The following FYN variants were observed in gnomAD, a reference collection of about 807,000 sequenced individuals.
FYN encodes tyrosine-protein kinase Fyn.
Under a neutral mutation model 70.2 loss-of-function variants are expected in FYN, and 10 were observed. That is an observed-to-expected ratio of 0.14 (90% confidence interval 0.09 to 0.24). The LOEUF (loss-of-function observed/expected upper bound fraction) is 0.24. Among genes scored for constraint, FYN ranks in the 10% least tolerant of loss-of-function variants. The pLI is 1.00. For synonymous variants in FYN, 236 were observed against 248.6 expected (o/e 0.95, Z 0.48); for missense variants, 319 against 673.1 (o/e 0.47, Z 5.82).
At chr6:111,871,653 AC>A (rs1323060012) in intron 1 of FYN, among the ~76,000 whole-genome samples, 1 of 152,206 alleles carries the variant, frequency 6.6e-6, no homozygotes, top group African/African-American at 2.4e-5. Flanking sequence ...TTATCAAATA[AC>A]AATTTAATTC....
intron 12 of FYN, among the ~76,000 whole-genome samples, chr6:111,693,982 C>T (rs1222565531): frequency 6.6e-6 from 1 of 152,122 alleles, no homozygotes; most frequent in Non-Finnish European, 1.5e-5. Flanking sequence ...CTGCACCATG[C>T]CCTGTTGGCT....
At chr6:111,727,140 A>G (rs973159425) in intron 3 of FYN, among the ~76,000 whole-genome samples, 2 of 152,210 alleles carry the variant, frequency 1.3e-5, no homozygotes, top group Non-Finnish European at 2.9e-5. Flanking sequence ...TCCATCCCCA[A>G]TGCACATTCC....
intron 12 of FYN, among the ~76,000 whole-genome samples, chr6:111,677,884 A>G (rs563583458): frequency 9.2e-5 from 14 of 152,262 alleles, no homozygotes; most frequent in African/African-American, 3.4e-4. Flanking sequence ...TTAGATATGA[A>G]AACAGTTTTC....
At chr6:111,683,779 G>A (rs539456328) in intron 12 of FYN, among the ~76,000 whole-genome samples, 1 of 151,996 alleles carries the variant, frequency 6.6e-6, no homozygotes, top group East Asian at 1.9e-4. Flanking sequence ...GTTTACAGGA[G>A]GGGGAGGTGA....
At chr6:111,821,326 A>T (rs1772653995) in intron 2 of FYN, among the ~76,000 whole-genome samples, 2 of 152,122 alleles carry the variant, frequency 1.3e-5, no homozygotes, top group African/African-American at 2.4e-5. Context: ...CAGAAATAAT[A>T]CCACACATCT....
At chr6:111,670,999 A>G (rs1319156282) in intron 13 of FYN, among the ~76,000 whole-genome samples, 4 of 152,216 alleles carry the variant, frequency 2.6e-5, no homozygotes, top group Non-Finnish European at 5.9e-5. Context: ...CTTGCAGAAA[A>G]GCAAGCTAGA....
In FYN at chr6:111,821,854, C is replaced by A. The variant is rs1173020696; in HGVS notation, c.-82+24735G>T. Among the ~76,000 whole-genome samples the A allele has an allele frequency of 2.0e-5, 3 of 152,262 alleles. No homozygotes were observed. The East Asian group carries it at 5.8e-4, about 29-fold the overall frequency. On this transcript the variant is annotated intron_variant, in intron 2 of 13. Transcript: ENST00000354650. Reference sequence around the variant, plus strand: ...AGACACTTCTCAAAAGAAGACATTTCTGCAGCCAACAGACACATGAAAAAA... The same window carrying A: ...AGACACTTCTCAAAAGAAGACATTTATGCAGCCAACAGACACATGAAAAAA...
chr6:111,800,336 A>C (rs1189402018), intron 2 of FYN, among the ~76,000 whole-genome samples: 2 of 152,196 alleles, frequency 1.3e-5, no homozygotes, highest in Non-Finnish European at 2.9e-5. Context: ...CACAGGTCTC[A>C]GCACAGGGTA....
chr6:111,806,107 G>GAC (rs2114272175), intron 2 of FYN, among the ~76,000 whole-genome samples: 1 of 152,290 alleles, frequency 6.6e-6, no homozygotes, highest in African/African-American at 2.4e-5. Context: ...AGTTCCTAGG[G>GAC]TGCCCCAGCA....
chr6:111,787,537 C>CAGCA (rs1164332173), intron 2 of FYN, among the ~76,000 whole-genome samples: 2 of 152,174 alleles, frequency 1.3e-5, no homozygotes, highest in African/African-American at 4.8e-5. Flanking sequence ...ACTCAAGACC[C>CAGCA]AGCACCCCTG....
intron 3 of FYN, among the ~76,000 whole-genome samples, chr6:111,776,998 C>T (rs915322088): frequency 1.3e-5 from 2 of 152,192 alleles, no homozygotes; most frequent in African/African-American, 4.8e-5. Context: ...CACACCAGAA[C>T]CGCCTTGATT....
At chr6:111,793,440 A>G (rs1245508507) in intron 2 of FYN, among the ~76,000 whole-genome samples, 3 of 152,020 alleles carry the variant, frequency 2.0e-5, no homozygotes, top group Admixed American at 6.6e-5. Flanking sequence ...AGCCCTTGGG[A>G]TAAACGGGTT....
chr6:111,713,448 G>T (rs910463790), intron 5 of FYN, among the ~76,000 whole-genome samples: 17 of 152,078 alleles, frequency 1.1e-4, no homozygotes, highest in Admixed American at 1.1e-3. Context: ...GAACTTCCTG[G>T]TGTGCCCCTC....
At chr6:111,857,656 A>G (rs1773857424) in intron 1 of FYN, among the ~76,000 whole-genome samples, 1 of 152,214 alleles carries the variant, frequency 6.6e-6, no homozygotes, top group Admixed American at 6.5e-5. Context: ...GCATGATTGA[A>G]TTCAACTTGA....
chr6:111,679,962 A>T (rs890290947), intron 12 of FYN, among the ~76,000 whole-genome samples: 1 of 152,198 alleles, frequency 6.6e-6, no homozygotes, highest in Non-Finnish European at 1.5e-5. Context: ...ACAGTGAAAC[A>T]AAGTGGAAAA....
rs775951977 is a variant in FYN, at chr6:111,714,458, T to C, written c.248-15A>G. 3.2e-6 allele frequency: 5 copies of C among 1,577,610 alleles called. No individual in the cohort carries two copies. The highest frequency in any genetic ancestry group is 4.4e-6 in the Non-Finnish European group (5 of 1,146,998). On this transcript the variant is annotated splice_polypyrimidine_tract_variant and intron_variant, in intron 4 of 13. Transcript: ENST00000354650. The stretch of plus-strand genomic sequence containing the variant: ...GAGTGTCACTCCTGCCGAAACGAAA[T>C]TCACAAGAAGGGAGATTATTACACA...
At chr6:111,673,813 G>A (rs184811354) in intron 13 of FYN, among the ~76,000 whole-genome samples, 124 of 152,102 alleles carry the variant, frequency 8.2e-4, no homozygotes, top group African/African-American at 2.8e-3. Flanking sequence ...ACCATCTGTC[G>A]ACGTTAATCA....
intron 8 of FYN, chr6:111,702,432 T>A (rs1425892931): frequency 6.5e-6 from 1 of 153,402 alleles, no homozygotes; most frequent in Non-Finnish European, 1.4e-5. Flanking sequence ...GGGAACATGA[T>A]AAATGGCTTG....
At chr6:111,689,221 C>T (rs963400502) in intron 12 of FYN, among the ~76,000 whole-genome samples, 4 of 152,122 alleles carry the variant, frequency 2.6e-5, no homozygotes, top group East Asian at 3.8e-4. Flanking sequence ...AACTGGCCTG[C>T]GGACACCAAG....
Sources: gnomAD v4.1 joint callset for allele counts (sites outside exome capture counted in the v4.1 genomes callset) on GRCh38, gnomAD v4.1.1 for gene constraint, MANE v1.5 for transcripts, NCBI Gene and HGNC (gene_info 2026-07-23, HGNC 2026-07-21) for gene names.